The following ATRX variants were observed in gnomAD, a reference collection of about 807,000 sequenced individuals.
The protein encoded by ATRX is chromatin remodeler ATRX.
Under a neutral mutation model 172.6 loss-of-function variants are expected in ATRX, and 12 were observed. The observed-to-expected ratio is 0.07, with a 90% CI of 0.04 to 0.11. The LOEUF (loss-of-function observed/expected upper bound fraction) is 0.11. ATRX is among the 10% of genes least tolerant of loss of function. ATRX has a pLI of 1.00. For synonymous variants in ATRX, 674 were observed against 594.7 expected (o/e 1.13, Z -1.94); for missense variants, 1,368 against 1,767.4 (o/e 0.77, Z 4.05).
chrX:77,748,147 C>A (rs1364785827), intron 1 of ATRX, among the ~76,000 whole-genome samples: 2 of 111,664 alleles, frequency 1.8e-5, no homozygotes, highest in African/African-American at 6.5e-5. Flanking sequence ...TTTTCTGATC[C>A]ATGCATTTAT....
intron 30 of ATRX, among the ~76,000 whole-genome samples, chrX:77,541,195 T>A (rs1334702599): frequency 1.8e-5 from 2 of 111,791 alleles, no homozygotes; most frequent in African/African-American, 6.5e-5. Flanking sequence ...AACACCTTGG[T>A]GCAAATAAAC....
intron 15 of ATRX, among the ~76,000 whole-genome samples, chrX:77,642,019 T>C (rs1381993216): frequency 9.0e-6 from 1 of 111,573 alleles, no homozygotes; most frequent in Non-Finnish European, 1.9e-5. Flanking sequence ...TTGGGCAACA[T>C]AGCAAGACCT....
At chrX:77,558,628 C>T (rs1332633900) in intron 29 of ATRX, 41 bp downstream of exon 29, 1 of 1,079,278 alleles carries the variant, frequency 9.3e-7, no homozygotes, top group Non-Finnish European at 1.3e-6. Flanking sequence ...TTATCAGTTT[C>T]ACATAAACTT....
At chrX:77,578,518 C>T (rs1437839875) in intron 27 of ATRX, among the ~76,000 whole-genome samples, 5 of 112,287 alleles carry the variant, frequency 4.5e-5, no homozygotes, top group African/African-American at 1.3e-4. Flanking sequence ...GCCCCCATTC[C>T]AGGCCCTAGC....
intron 30 of ATRX, among the ~76,000 whole-genome samples, chrX:77,540,212 G>A (rs2063920370): frequency 9.0e-6 from 1 of 111,437 alleles, no homozygotes; most frequent in Non-Finnish European, 1.9e-5. Flanking sequence ...GATCAAAAGA[G>A]ACAAAGAAGG....
In ATRX at chrX:77,698,610, T is replaced by C; in HGVS notation, c.153A>G (p.Gly51=). 2 of 1,203,724 alleles carry C rather than the reference T, an allele frequency of 1.7e-6. No individual in the cohort carries two copies. The highest frequency in any genetic ancestry group is 3.0e-5 in the East Asian group (1 of 33,754). ...NQNTDKISGS[G]SNSDMMENSK... ...TGTTTTCCATCATATCAGAGTTACT[T>C]CCAGAACCACTGATTTTATCTAAAA... The change falls in exon 3 of 35, where the codon GGA becomes GGG. Residue 51 remains glycine (G), a synonymous_variant. Transcript: ENST00000373344.
At chrX:77,766,984 G>A (rs1374406452) in intron 1 of ATRX, among the ~76,000 whole-genome samples, 3 of 112,546 alleles carry the variant, frequency 2.7e-5, no homozygotes, top group South Asian at 7.1e-4. Flanking sequence ...TCGGGAGGCC[G>A]AGGCTGGCGG....
intron 1 of ATRX, among the ~76,000 whole-genome samples, chrX:77,762,431 T>C (rs1489995638): frequency 9.1e-6 from 1 of 110,341 alleles, no homozygotes; most frequent in East Asian, 2.8e-4. Flanking sequence ...ATACTGTATA[T>C]ATTACTTGTA....
chrX:77,577,425 T>C (rs891763920), intron 27 of ATRX, among the ~76,000 whole-genome samples: 4 of 111,471 alleles, frequency 3.6e-5, no homozygotes, highest in Non-Finnish European at 7.5e-5. Flanking sequence ...TTTAGAGAAA[T>C]GTCTATCAAC....
chrX:77,738,851 G>C (rs12389251), intron 1 of ATRX, among the ~76,000 whole-genome samples: 1 of 110,625 alleles, frequency 9.0e-6, no homozygotes, highest in Non-Finnish European at 1.9e-5. Context: ...GCATGTTCCC[G>C]GCTAAAACTA....
intron 2 of ATRX, among the ~76,000 whole-genome samples, chrX:77,710,280 C>T (rs1170809522): frequency 2.3e-4 from 21 of 92,846 alleles, no homozygotes. Context: ...GCCTGGGTGA[C>T]AAAACAAGAC....
In ATRX at chrX:77,507,221, G is replaced by T. The variant is rs1841199164; in HGVS notation, c.*1130C>A. On this transcript the variant is annotated 3_prime_UTR_variant, in exon 35 of 35. Coordinates refer to ENST00000373344, the MANE Select transcript of ATRX (RefSeq NM_000489.6). ...AAACTCTGAAACAATTTAAAAAAATGTAAGGAAACTGGGGTAAAAGAACAT... is the reference window on the plus strand; with the variant it reads ...AAACTCTGAAACAATTTAAAAAAATTTAAGGAAACTGGGGTAAAAGAACAT... 5.9e-6 allele frequency: 1 copy of T among 170,147 alleles called. No individual in the cohort carries two copies. The highest frequency in any genetic ancestry group is 3.2e-4 in the South Asian group (1 of 3,117). 14.0% of individuals were successfully genotyped at this position (170,147 alleles called of 1,213,427 possible). A position where few individuals can be genotyped will look rare whatever the true frequency, so the allele number is the denominator to read the frequency against.
intron 27 of ATRX, among the ~76,000 whole-genome samples, chrX:77,582,628 C>A (rs540416028): frequency 9.1e-6 from 1 of 110,205 alleles, no homozygotes; most frequent in Non-Finnish European, 1.9e-5. Flanking sequence ...GAGAGAAGAC[C>A]CAAAAAAATA....
chrX:77,624,943 T>G (rs782663248), intron 19 of ATRX, among the ~76,000 whole-genome samples: 3 of 111,839 alleles, frequency 2.7e-5, no homozygotes, highest in East Asian at 5.6e-4. Flanking sequence ...AAAGCAAGAC[T>G]AAGCAAAAAG....
intron 22 of ATRX, among the ~76,000 whole-genome samples, chrX:77,609,516 C>A (rs1195468864): frequency 3.6e-5 from 4 of 112,303 alleles, no homozygotes; most frequent in African/African-American, 1.3e-4. Flanking sequence ...TTTGAGGCAG[C>A]TCTGTCACAA....
chrX:77,620,519 A>G lies in ATRX; in HGVS notation c.5148T>C (p.Val1716=). 1 of 1,203,939 alleles carries G rather than the reference A, an allele frequency of 8.3e-7. No individual in the cohort carries two copies. ...KALVDPGPDF[V]VCDEGHILKN... ...TTAGAATATGGCCTTCATCACAAAC[A>G]ACAAAATCAGGGCCTACAAAAATAA... Residue 1716 remains valine, a synonymous_variant, in exon 20 of 35, where the codon GTT becomes GTC. Coordinates refer to ENST00000373344, the MANE Select transcript of ATRX (RefSeq NM_000489.6).
intron 28 of ATRX, among the ~76,000 whole-genome samples, chrX:77,562,629 C>G (rs781998445): frequency 2.7e-5 from 3 of 111,888 alleles, no homozygotes; most frequent in South Asian, 7.4e-4. Flanking sequence ...ACTGCAACCT[C>G]GAATTCCTGG....
At chrX:77,547,520 G>C (rs2064291606) in intron 30 of ATRX, among the ~76,000 whole-genome samples, 1 of 111,698 alleles carries the variant, frequency 9.0e-6, no homozygotes, top group Non-Finnish European at 1.9e-5. Context: ...AATAAAGTAT[G>C]GTCAGTCTGT....
At chrX:77,663,585 A>G in intron 11 of ATRX, 27 bp from the exon 12 acceptor site, 1 of 1,167,565 alleles carries the variant, frequency 8.6e-7, no homozygotes. Flanking sequence ...AATCAATAAA[A>G]CCTTCTTCAG....
Sources: gnomAD v4.1 joint callset for allele counts (sites outside exome capture counted in the v4.1 genomes callset) on GRCh38, gnomAD v4.1.1 for gene constraint, MANE v1.5 for transcripts, NCBI Gene and HGNC (gene_info 2026-07-23, HGNC 2026-07-21) for gene names.